ABCC2: variants seen among roughly 807,000 people sequenced by gnomAD.
ABCC2 encodes the protein ATP-binding cassette sub-family C member 2.
In ABCC2, 157 loss-of-function variants were observed where a neutral mutation model predicts 173.4. That is an observed-to-expected ratio of 0.91 (90% CI 0.80 to 1.03). The LOEUF (loss-of-function observed/expected upper bound fraction) is 1.03, where lower values mean the gene tolerates loss of function less well. Ranked by LOEUF, ABCC2 falls within the 50% of genes least tolerant of loss-of-function variation. The probability of loss-of-function intolerance (pLI) is 0.00; values close to 1 mark genes in which losing one functional copy is unlikely to be tolerated. For synonymous variants in ABCC2, 657 were observed against 693.5 expected (o/e 0.95, Z 0.83); for missense variants, 1,822 against 1,852.3 (o/e 0.98, Z 0.30).
intron 30 of ABCC2, among the ~76,000 whole-genome samples, chr10:99,847,691 C>T (rs1035225954): frequency 6.6e-6 from 1 of 151,826 alleles, no homozygotes; most frequent in Non-Finnish European, 1.5e-5. Context: ...GAGGCTGAGG[C>T]CGGTGGATCA....
chr10:99,851,650 A>G lies in ABCC2; in HGVS notation c.*19A>G. ...ATTCTAGCAGAAGGCCCCATGGGTTAGAAAAGGACTATAAGAATAATTTCT... is the reference window on the plus strand; with the variant it reads ...ATTCTAGCAGAAGGCCCCATGGGTTGGAAAAGGACTATAAGAATAATTTCT... On this transcript the variant is annotated 3_prime_UTR_variant, in exon 32 of 32. Transcript: ENST00000647814. 1 of 1,609,340 alleles carries G rather than the reference A, an allele frequency of 6.2e-7. No individual in the cohort carries two copies. Among genetic ancestry groups the G allele is most frequent in the Non-Finnish European group, 8.5e-7 (1 of 1,176,086 alleles).
intron 7 of ABCC2, among the ~76,000 whole-genome samples, chr10:99,798,869 A>C (rs1475424481): frequency 6.6e-6 from 1 of 152,212 alleles, no homozygotes; most frequent in Non-Finnish European, 1.5e-5. Context: ...AAGAACAAGC[A>C]TGAAAAGAAC....
chr10:99,799,484 G>C (rs1590149486), intron 8 of ABCC2, 114 bp downstream of exon 8: 4 of 1,288,646 alleles, frequency 3.1e-6, no homozygotes, highest in South Asian at 2.4e-5. Context: ...AAAAATGCTC[G>C]TAATTTTCTT....
intron 6 of ABCC2, 82 bp from the exon 7 acceptor site, chr10:99,797,014 TG>T: frequency 1.7e-6 from 2 of 1,210,766 alleles, no homozygotes; most frequent in Non-Finnish European, 2.4e-6. Context: ...TCCCAGAACC[TG>T]GAGGTAGGTT....
At chr10:99,785,575 G>A (rs557986258) in intron 2 of ABCC2, among the ~76,000 whole-genome samples, 66 of 152,162 alleles carry the variant, frequency 4.3e-4, no homozygotes, top group African/African-American at 1.4e-3. Flanking sequence ...GGAGTGCAGT[G>A]GCACTATCTC....
rs1590171789 is a variant in ABCC2, at chr10:99,819,161, A to G, written c.2512A>G (p.Thr838Ala). 2 of 1,614,146 alleles carry G rather than the reference A, an allele frequency of 1.2e-6. No homozygotes were observed. Among genetic ancestry groups the G allele is most frequent in the Non-Finnish European group, 1.7e-6 (2 of 1,179,966 alleles). The change falls in exon 19 of 32, where the codon ACA (threonine) becomes GCA (alanine). Residue 838 changes from threonine to alanine, a missense_variant. Physicochemically the swap from Thr to Ala is moderately conservative, Grantham distance 58. Coordinates refer to ENST00000647814, the MANE Select transcript of ABCC2 (RefSeq NM_000392.5). ...TGAGATTGTAGTTCTGGGGAATGGA[A>G]CAATTGTAGAGAAAGGATCCTACAG... ...VDEIVVLGNG[T>A]IVEKGSYSAL...
chr10:99,787,665 T>G (rs2037740106), intron 2 of ABCC2, among the ~76,000 whole-genome samples: 1 of 151,014 alleles, frequency 6.6e-6, no homozygotes, highest in Non-Finnish European at 1.5e-5. Context: ...GTATTTCATT[T>G]GCGAATTGTC....
chr10:99,831,524 C>A, intron 21 of ABCC2, 87 bp from the exon 22 acceptor site: 1 of 1,341,258 alleles, frequency 7.5e-7, no homozygotes, highest in Non-Finnish European at 1.1e-6. Flanking sequence ...CAGGGGACTC[C>A]ACTTCTCCTT....
chr10:99,806,888 A>C (rs1177698142), intron 11 of ABCC2, among the ~76,000 whole-genome samples: 2 of 152,260 alleles, frequency 1.3e-5, no homozygotes, highest in Non-Finnish European at 2.9e-5. Context: ...TTCTCCACAC[A>C]GAGCTCTGAC....
intron 2 of ABCC2, among the ~76,000 whole-genome samples, chr10:99,787,737 C>T (rs181052451): frequency 5.8e-4 from 88 of 151,872 alleles, no homozygotes; most frequent in Admixed American, 1.2e-3. Flanking sequence ...ATCTTTTGAA[C>T]GGATAATTCT....
intron 5 of ABCC2, 33 bp from the exon 6 acceptor site, chr10:99,794,380 T>C: frequency 6.3e-7 from 1 of 1,588,490 alleles, no homozygotes; most frequent in Non-Finnish European, 8.6e-7. Context: ...TGTCTCCAAT[T>C]GGTTTACATT....
At chr10:99,847,399 C>T (rs1176355574) in intron 30 of ABCC2, among the ~76,000 whole-genome samples, 1 of 151,230 alleles carries the variant, frequency 6.6e-6, no homozygotes, top group Non-Finnish European at 1.5e-5. Flanking sequence ...GTCAGGAGTT[C>T]GTGACCAGCC....
intron 13 of ABCC2, among the ~76,000 whole-genome samples, chr10:99,809,394 G>A (rs1328698052): frequency 3.9e-5 from 6 of 152,130 alleles, no homozygotes; most frequent in South Asian, 4.1e-4. Context: ...GTCAGATGGC[G>A]ATGCAATGTG....
intron 2 of ABCC2, among the ~76,000 whole-genome samples, chr10:99,786,195 T>C (rs1196106264): frequency 1.3e-5 from 2 of 152,150 alleles, no homozygotes; most frequent in Non-Finnish European, 1.5e-5. Flanking sequence ...CAGTGGTACA[T>C]ACCTGTAATC....
At chr10:99,841,659 T>C (rs1338170593) in intron 25 of ABCC2, among the ~76,000 whole-genome samples, 1 of 152,254 alleles carries the variant, frequency 6.6e-6, no homozygotes, top group East Asian at 1.9e-4. Flanking sequence ...CATGAATTTG[T>C]AACATTGTAT....
chr10:99,813,397 G>T (rs768007656), intron 16 of ABCC2, among the ~76,000 whole-genome samples: 1 of 152,184 alleles, frequency 6.6e-6, no homozygotes, highest in African/African-American at 2.4e-5. Flanking sequence ...GAAAACTGCT[G>T]ATTAGAGAGG....
In ABCC2 at chr10:99,850,636, G is replaced by C. The variant is rs56296335; in HGVS notation, c.4348G>C (p.Ala1450Pro). ...GAGGCAGCTGCTGTGCCTGGGCAGG[G>C]CTCTGCTTCGGAAATCCAAGATCCT... is the stretch of plus-strand genomic sequence containing the variant. The part of the protein sequence containing the change: ...GQRQLLCLGR[A>P]LLRKSKILVL... The change falls in exon 31 of 32, where the codon GCT (alanine) becomes CCT (proline). Residue 1450 changes from alanine to proline, a missense_variant. Transcript: ENST00000647814. 2 of 1,614,210 alleles carry C rather than the reference G, an allele frequency of 1.2e-6. No individual in the cohort carries two copies.
chr10:99,819,812 T>C (rs986317751), intron 19 of ABCC2, among the ~76,000 whole-genome samples: 41 of 152,224 alleles, frequency 2.7e-4, no homozygotes, highest in African/African-American at 8.2e-4. Flanking sequence ...GAGTATACCA[T>C]AGCAACAGCC....
chr10:99,851,165 C>A (rs1487443266), intron 31 of ABCC2, among the ~76,000 whole-genome samples: 4 of 152,190 alleles, frequency 2.6e-5, no homozygotes, highest in Non-Finnish European at 5.9e-5. Context: ...TTCCTTCCAG[C>A]TGTGTCATAT....
Sources: allele counts gnomAD v4.1 joint callset (sites outside exome capture counted in the v4.1 genomes callset), GRCh38; gene constraint gnomAD v4.1.1; transcripts MANE v1.5; gene names NCBI Gene and HGNC (gene_info 2026-07-23, HGNC 2026-07-21).